GRIN2A: variants seen among roughly 807,000 people sequenced by gnomAD.
The protein encoded by GRIN2A is glutamate receptor ionotropic, NMDA 2A.
In GRIN2A, 22 loss-of-function variants were observed where a neutral mutation model predicts 113.4. The ratio of observed to expected loss-of-function variants is 0.19; its 90% CI spans 0.14 to 0.28. The LOEUF (loss-of-function observed/expected upper bound fraction) is 0.28. GRIN2A is among the 10% of genes least tolerant of loss of function. GRIN2A has a pLI of 1.00. For missense variants in GRIN2A, 1,502 were observed against 1,887.0 expected (o/e 0.80, Z 3.78); for synonymous variants, 827 against 738.4 (o/e 1.12, Z -1.94).
chr16:9,902,658 C>T (rs1040457342), intron 3 of GRIN2A, among the ~76,000 whole-genome samples: 1 of 152,154 alleles, frequency 6.6e-6, no homozygotes, highest in Non-Finnish European at 1.5e-5. Flanking sequence ...CTCCCTACAC[C>T]TCAGTTGCCC....
At chr16:10,041,944 C>A (rs1441604667) in intron 2 of GRIN2A, among the ~76,000 whole-genome samples, 1 of 152,158 alleles carries the variant, frequency 6.6e-6, no homozygotes, top group East Asian at 1.9e-4. Flanking sequence ...GCAATATAGT[C>A]CCGGTGCATC....
chr16:9,790,362 C>G (rs1346886426), intron 11 of GRIN2A, among the ~76,000 whole-genome samples: 1 of 152,222 alleles, frequency 6.6e-6, no homozygotes, highest in Non-Finnish European at 1.5e-5. Flanking sequence ...CGCTGTGCAT[C>G]TTTAGGTGAG....
Position 9,762,790 on chromosome 16 carries a change from G to A in GRIN2A, c.*359C>T, listed in dbSNP as rs1900643727. ...TGATGAGAAAATTACATGGTGGGCT[G>A]ACCTTAATGGAATTTGGAATATAGG... On this transcript the variant is annotated 3_prime_UTR_variant, in exon 13 of 13. Coordinates refer to ENST00000330684, the MANE Select transcript of GRIN2A (RefSeq NM_001134407.3). 2.4e-6 allele frequency: 1 copy of A among 411,708 alleles called. No homozygotes were observed. Among genetic ancestry groups the A allele is most frequent in the Admixed American group, 4.0e-5 (1 of 24,754 alleles). 25.5% of individuals were successfully genotyped at this position (411,708 alleles called of 1,614,324 possible). A position where few individuals can be genotyped will look rare whatever the true frequency, so the allele number is the denominator to read the frequency against.
intron 2 of GRIN2A, among the ~76,000 whole-genome samples, chr16:9,946,820 C>A (rs750916967): frequency 6.6e-6 from 1 of 152,176 alleles, no homozygotes; most frequent in Admixed American, 6.5e-5. Context: ...ATATACCATC[C>A]TAAGAAGAAA....
rs1303329935 is a variant in GRIN2A at position 9,762,277 on chromosome 16, C to G, written c.*872G>C. The stretch of plus-strand genomic sequence containing the variant: ...CCAGAAGGGAGGAAATGCAAACTTA[C>G]GTACATAGGCGTCTTCGGGATAAAC... On this transcript the variant is annotated 3_prime_UTR_variant, in exon 13 of 13. Coordinates refer to ENST00000330684, the MANE Select transcript of GRIN2A (RefSeq NM_001134407.3). 1 of 225,852 alleles carries G rather than the reference C, an allele frequency of 4.4e-6. No individual in the cohort carries two copies. Among genetic ancestry groups the G allele is most frequent in the Admixed American group, 5.7e-5 (1 of 17,500 alleles). 14.0% of individuals were successfully genotyped at this position (225,852 alleles called of 1,614,324 possible).
In GRIN2A at chr16:9,760,535, C is replaced by T. The variant is rs1329388511; in HGVS notation, c.*2614G>A. On this transcript the variant is annotated 3_prime_UTR_variant, in exon 13 of 13. Transcript: ENST00000330684. ...AAAAGAATATATATTTTTTTCACAA[C>T]ATTACTGTTGATTCTTCCAAAGGCC... is the stretch of plus-strand genomic sequence containing the variant. 4.5e-6 allele frequency: 1 copy of T among 220,396 alleles called. No individual in the cohort carries two copies. The highest frequency in any genetic ancestry group is 9.1e-6 in the Non-Finnish European group (1 of 110,216). 13.7% of individuals were successfully genotyped at this position (220,396 alleles called of 1,614,324 possible).
intron 12 of GRIN2A, among the ~76,000 whole-genome samples, chr16:9,766,522 C>T (rs1458582755): frequency 6.6e-6 from 1 of 152,168 alleles, no homozygotes; most frequent in Non-Finnish European, 1.5e-5. Flanking sequence ...GGCATTACAT[C>T]CTTTCCTGCA....
chr16:9,964,440 AC>A (rs1025446730), intron 2 of GRIN2A, among the ~76,000 whole-genome samples: 1 of 152,178 alleles, frequency 6.6e-6, no homozygotes, highest in Non-Finnish European at 1.5e-5. Context: ...TGCTGCTATG[AC>A]AAATTACCAT....
intron 3 of GRIN2A, among the ~76,000 whole-genome samples, chr16:9,908,952 A>T (rs17208905): frequency 6.6e-6 from 1 of 151,998 alleles, no homozygotes; most frequent in Non-Finnish European, 1.5e-5. Context: ...GGAATTAAAG[A>T]TGCTGAGTGA....
At chr16:9,919,558 T>G (rs940672296) in intron 3 of GRIN2A, among the ~76,000 whole-genome samples, 1 of 152,164 alleles carries the variant, frequency 6.6e-6, no homozygotes, top group African/African-American at 2.4e-5. Flanking sequence ...GTACATTTTG[T>G]ACCACCCTAG....
At chr16:9,949,380 AGATG>A (rs922705552) in intron 2 of GRIN2A, among the ~76,000 whole-genome samples, 7 of 151,918 alleles carry the variant, frequency 4.6e-5, no homozygotes, top group African/African-American at 1.5e-4. Context: ...ATGGATGGAC[AGATG>A]GATGGATGGA....
At chr16:10,108,767 T>C (rs756012544) in intron 2 of GRIN2A, among the ~76,000 whole-genome samples, 7 of 152,202 alleles carry the variant, frequency 4.6e-5, no homozygotes, top group East Asian at 1.9e-4. Context: ...CATTACCATG[T>C]TAGGCAGACT....
rs1157209057 is a variant in GRIN2A, at chr16:10,181,816, CCT to C, written c.-19+59_-19+60del. The C allele has an allele frequency of 2.0e-5, 3 of 153,230 alleles. No individual in the cohort carries two copies. In the Admixed American group the frequency reaches 2.0e-4, roughly 10 times the overall value. 9.5% of individuals were successfully genotyped at this position (153,230 alleles called of 1,614,324 possible). On this transcript the variant is annotated intron_variant, in intron 1 of 12. Transcript: ENST00000330684. ...CTAGCCTGATCCCTCTCCCGCTCTC[CCT>C]CCGGTCGAGTCTCCCTCCTCCCCGG...
intron 2 of GRIN2A, among the ~76,000 whole-genome samples, chr16:10,150,353 T>C (rs1596555700): frequency 1.3e-5 from 2 of 152,342 alleles, no homozygotes; most frequent in South Asian, 4.1e-4. Context: ...GTGGGTTTTA[T>C]AAGGTGGGAA....
intron 8 of GRIN2A, 69 bp from the exon 9 acceptor site, chr16:9,829,721 G>A (rs1038419970): frequency 1.3e-5 from 14 of 1,052,840 alleles, no homozygotes; most frequent in African/African-American, 3.1e-5. Context: ...TGACAACCAC[G>A]CAGCAGCCAC....
At chr16:9,944,626 C>T (rs576808292) in intron 2 of GRIN2A, among the ~76,000 whole-genome samples, 24 of 152,150 alleles carry the variant, frequency 1.6e-4, no homozygotes, top group South Asian at 6.2e-4. Context: ...TGCCTAGTTG[C>T]GGAGAGGTGT....
At chr16:9,882,645 G>T (rs2043503579) in intron 4 of GRIN2A, among the ~76,000 whole-genome samples, 1 of 152,110 alleles carries the variant, frequency 6.6e-6, no homozygotes, top group South Asian at 2.1e-4. Context: ...AAATTAGCCA[G>T]GCAAGGTGGT....
rs781205597 is a variant in GRIN2A at position 9,849,969 on chromosome 16, A to G, written c.1123-8T>C. 7.4e-6 allele frequency: 12 copies of G among 1,611,470 alleles called. No individual in the cohort carries two copies. The highest frequency in any genetic ancestry group is 1.3e-5 in the African/African-American group (1 of 74,882). The stretch of plus-strand genomic sequence containing the variant: ...GTTCTCCCACTTGCCCACCTGCAGC[A>G]CAAACACAAAGACACAGCTGTGCTT... On this transcript the variant is annotated splice_region_variant and splice_polypyrimidine_tract_variant and intron_variant, in intron 4 of 12. Transcript: ENST00000330684.
intron 2 of GRIN2A, among the ~76,000 whole-genome samples, chr16:10,076,107 G>A (rs2047867671): frequency 6.6e-6 from 1 of 152,168 alleles, no homozygotes; most frequent in South Asian, 2.1e-4. Context: ...ATCGGACATA[G>A]GGCTAACCAG....
Sources: allele counts gnomAD v4.1 joint callset (sites outside exome capture counted in the v4.1 genomes callset), GRCh38; gene constraint gnomAD v4.1.1; transcripts MANE v1.5; gene names NCBI Gene and HGNC (gene_info 2026-07-23, HGNC 2026-07-21).